The following TBC1D8 variants were observed in gnomAD, a reference collection of about 807,000 sequenced individuals.
TBC1D8 encodes the protein BUB2-like protein 1.
Under a neutral mutation model 118.8 loss-of-function variants are expected in TBC1D8, and 65 were observed. The ratio of observed to expected loss-of-function variants is 0.55; its 90% confidence interval spans 0.45 to 0.67. The LOEUF (loss-of-function observed/expected upper bound fraction) is 0.67, where lower values mean the gene tolerates loss of function less well. TBC1D8 is among the 30% of genes least tolerant of loss of function. The pLI, the probability that TBC1D8 is intolerant of heterozygous loss-of-function variation, is 0.00. For missense variants in TBC1D8, 1,376 were observed against 1,471.2 expected (o/e 0.94, Z 1.06); for synonymous variants, 566 against 595.8 (o/e 0.95, Z 0.73).
intron 1 of TBC1D8, among the ~76,000 whole-genome samples, chr2:101,100,702 T>C (rs1676769395): frequency 6.6e-6 from 1 of 152,030 alleles, no homozygotes; most frequent in Non-Finnish European, 1.5e-5. Flanking sequence ...CACAGACCAA[T>C]GCAGCAGAAC....
At chr2:101,038,802 C>T (rs1196666467) in intron 6 of TBC1D8, 147 bp from the exon 7 acceptor site, 7 of 893,448 alleles carry the variant, frequency 7.8e-6, no homozygotes, top group African/African-American at 1.7e-5. Context: ...GCACTGCTCA[C>T]CCCCACCACA....
chr2:101,007,658 T>C lies in TBC1D8; in HGVS notation c.*163A>G, dbSNP rs1264755305. 2 of 688,616 alleles carry C rather than the reference T, an allele frequency of 2.9e-6. No homozygotes were observed. Among genetic ancestry groups the C allele is most frequent in the East Asian group, 2.6e-5 (1 of 39,096 alleles). The allele number at this position is 688,616 out of a possible 1,614,324, so 42.7% of individuals were successfully genotyped here. On this transcript the variant is annotated 3_prime_UTR_variant, in exon 20 of 20. Coordinates refer to ENST00000409318, the MANE Select transcript of TBC1D8 (RefSeq NM_001330348.2). ...ACAATTCTCAATACATAGAAATGCT[T>C]GAGGGTTGTGTCGGTTCCCCTGGCC...
chr2:101,097,180 G>A (rs1165326051), intron 1 of TBC1D8, among the ~76,000 whole-genome samples: 2 of 151,762 alleles, frequency 1.3e-5, no homozygotes, highest in Non-Finnish European at 2.9e-5. Context: ...TATTTCAAAT[G>A]TTTAAAGGAA....
chr2:101,103,871 GAT>G lies in TBC1D8; in HGVS notation c.128-13509_128-13508del, dbSNP rs994370440. Among the ~76,000 whole-genome samples the G allele has an allele frequency of 1.3e-4, 19 of 151,810 alleles. No individual in the cohort carries two copies. In the East Asian group the frequency reaches 3.3e-3, roughly 26 times the overall value. Reference sequence around the variant, plus strand: ...AGTAAGATAAAAAGTGAAAATAAAAGATATATATATAGAGAGAGAGAGAAGAA... The same window carrying G: ...AGTAAGATAAAAAGTGAAAATAAAAGATATATATAGAGAGAGAGAGAAGAA... On this transcript the variant is annotated intron_variant, in intron 1 of 19. Transcript: ENST00000409318.
chr2:101,033,410 A>G, intron 10 of TBC1D8, 134 bp downstream of exon 10: 1 of 1,059,108 alleles, frequency 9.4e-7, no homozygotes, highest in Non-Finnish European at 1.4e-6. Flanking sequence ...TTCTTTCCGG[A>G]AAGGGACCGA....
At chr2:101,016,699 A>G (rs1231785498) in intron 17 of TBC1D8, among the ~76,000 whole-genome samples, 1 of 152,264 alleles carries the variant, frequency 6.6e-6, no homozygotes, top group Non-Finnish European at 1.5e-5. Context: ...GATAGACTGG[A>G]TTAAGAAAAT....
At chr2:101,141,113 G>A (rs756368715) in intron 1 of TBC1D8, among the ~76,000 whole-genome samples, 1 of 151,962 alleles carries the variant, frequency 6.6e-6, no homozygotes, top group African/African-American at 2.4e-5. Flanking sequence ...CAGAAGTGGA[G>A]GCTTTAGCTC....
chr2:101,059,608 C>A, intron 2 of TBC1D8, 69 bp from the exon 3 acceptor site: 1 of 1,332,578 alleles, frequency 7.5e-7, no homozygotes, highest in South Asian at 1.2e-5. Context: ...AACGTTAACT[C>A]ATTTTCCAAA....
chr2:101,075,074 G>A (rs1306766943), intron 2 of TBC1D8, among the ~76,000 whole-genome samples: 1 of 152,218 alleles, frequency 6.6e-6, no homozygotes, highest in Non-Finnish European at 1.5e-5. Flanking sequence ...CAGAAAGCCA[G>A]GAAGCACTTG....
intron 17 of TBC1D8, chr2:101,017,708 A>G: frequency 2.6e-6 from 2 of 770,968 alleles, no homozygotes; most frequent in Non-Finnish European, 4.2e-6. Flanking sequence ...TCTAACAGAT[A>G]TCCATGGTAC....
intron 7 of TBC1D8, among the ~76,000 whole-genome samples, chr2:101,037,923 C>T (rs949789228): frequency 1.4e-4 from 21 of 152,138 alleles, no homozygotes; most frequent in African/African-American, 5.1e-4. Flanking sequence ...GTCCCCAGAA[C>T]CTGGGTCCGT....
chr2:101,029,790 G>A lies in TBC1D8; in HGVS notation c.1937-14C>T, dbSNP rs1680566169. The A allele has an allele frequency of 9.3e-6, 15 of 1,610,120 alleles. No homozygotes were observed. The highest frequency in any genetic ancestry group is 1.3e-5 in the Non-Finnish European group (15 of 1,177,026). The stretch of plus-strand genomic sequence containing the variant: ...CAACTTGTGCCCCTGGAAAAGAAAG[G>A]GCACAGGGCTCTGGCTGGGGTAGGA... On this transcript the variant is annotated splice_polypyrimidine_tract_variant and intron_variant, in intron 11 of 19. Transcript: ENST00000409318.
chr2:101,137,463 C>G (rs892444809), intron 1 of TBC1D8, among the ~76,000 whole-genome samples: 2 of 152,094 alleles, frequency 1.3e-5, no homozygotes, highest in East Asian at 3.9e-4. Flanking sequence ...CAGGCGCCCG[C>G]CACCACACCC....
At chr2:101,025,955 A>G (rs1297785215) in intron 15 of TBC1D8, among the ~76,000 whole-genome samples, 1 of 152,254 alleles carries the variant, frequency 6.6e-6, no homozygotes, top group Non-Finnish European at 1.5e-5. Flanking sequence ...AACTAACAAT[A>G]AAAATAAATT....
rs1305363481 is a variant in TBC1D8, at chr2:101,032,388, GC to G, written c.1819-4del. The G allele has an allele frequency of 6.2e-7, 1 of 1,612,510 alleles. No homozygotes were observed. The highest frequency in any genetic ancestry group is 8.5e-7 in the Non-Finnish European group (1 of 1,178,618). On this transcript the variant is annotated splice_polypyrimidine_tract_variant and splice_region_variant and intron_variant, in intron 10 of 19. Coordinates refer to ENST00000409318, the MANE Select transcript of TBC1D8 (RefSeq NM_001330348.2). ...ACGGAGGTCAGGATGTTCATGGACTGCTCGGGGGTCAAGGAGGGCAGTTACT... is the reference window on the plus strand; with the variant it reads ...ACGGAGGTCAGGATGTTCATGGACTGTCGGGGGTCAAGGAGGGCAGTTACT...
rs146552873 is a variant in TBC1D8, at chr2:101,093,850, C to T, written c.128-3486G>A. 2.8e-3 allele frequency among the ~76,000 whole-genome samples: 433 copies of T among 152,226 alleles called. 2 individuals carry two copies. The highest frequency in any genetic ancestry group is 9.7e-3 in the African/African-American group (405 of 41,580). On this transcript the variant is annotated intron_variant, in intron 1 of 19. Transcript: ENST00000409318. Reference sequence around the variant, plus strand: ...TCAGCAACCCAAGTAGCCGAGATTACAGGCACCTGCCACCACGCCTAGCTA... The same window carrying T: ...TCAGCAACCCAAGTAGCCGAGATTATAGGCACCTGCCACCACGCCTAGCTA...
intron 1 of TBC1D8, among the ~76,000 whole-genome samples, chr2:101,134,195 TCTCACACA>T (rs758756284): frequency 0.014 from 871 of 62,774 alleles, 6 homozygotes; most frequent in Middle Eastern, 0.029. Flanking sequence ...TCTCTCTCTC[TCTCACACA>T]CACACACACA....
chr2:101,132,702 C>T (rs1382065051), intron 1 of TBC1D8, among the ~76,000 whole-genome samples: 1 of 152,112 alleles, frequency 6.6e-6, no homozygotes, highest in African/African-American at 2.4e-5. Flanking sequence ...AATCTTCCCG[C>T]CTTGGCCTCC....
intron 17 of TBC1D8, among the ~76,000 whole-genome samples, chr2:101,020,495 G>C (rs531916856): frequency 1.3e-5 from 2 of 152,326 alleles, no homozygotes; most frequent in South Asian, 2.1e-4. Flanking sequence ...TCAGTTGACA[G>C]AGAAAGGGAA....
Sources: gnomAD v4.1 joint callset for allele counts (sites outside exome capture counted in the v4.1 genomes callset) on GRCh38, gnomAD v4.1.1 for gene constraint, MANE v1.5 for transcripts, NCBI Gene and HGNC (gene_info 2026-07-23, HGNC 2026-07-21) for gene names.